The following PNPLA1 variants were observed in gnomAD, a reference collection of about 807,000 sequenced individuals.
PNPLA1 encodes the protein patatin like domain 1, omega-hydroxyceramide transacylase.
PNPLA1 carries 36 observed loss-of-function variants against 51.7 expected under a neutral mutation model. That is an observed-to-expected ratio of 0.70 (90% CI 0.53 to 0.92). The LOEUF (loss-of-function observed/expected upper bound fraction) is 0.92, where lower values mean the gene tolerates loss of function less well. Ranked by LOEUF, PNPLA1 falls within the 40% of genes least tolerant of loss-of-function variation. The pLI is 0.00. For missense variants in PNPLA1, 658 were observed against 682.5 expected, an observed-to-expected ratio of 0.96 and a Z score of 0.40; for synonymous variants, 293 against 280.1, an observed-to-expected ratio of 1.05 and a Z score of -0.46.
At position 36,283,009 on chromosome 6, in the gene PNPLA1, T is replaced by C. The variant is rs192634061; in HGVS notation, c.206-8311T>C. The stretch of plus-strand genomic sequence containing the variant: ...GATCTGTGTTTTTTTAAAAATTTAA[T>C]AATAAACTTTTTATTTTGGAATAAT... On this transcript the variant is annotated intron_variant, in intron 1 of 8. Transcript: ENST00000636260. 8.5e-5 allele frequency among the ~76,000 whole-genome samples: 13 copies of C among 152,314 alleles called. No individual in the cohort carries two copies. In the East Asian group the frequency reaches 1.9e-3, roughly 23 times the overall value.
chr6:36,267,134 A>G (rs910871483), upstream of PNPLA1, among the ~76,000 whole-genome samples: 1 of 152,220 alleles, frequency 6.6e-6, no homozygotes, highest in African/African-American at 2.4e-5. Context: ...AGCAGTGTTA[A>G]CTTAGTTAAA....
At chr6:36,297,562 C>T (rs1770895667) in intron 5 of PNPLA1, among the ~76,000 whole-genome samples, 1 of 152,192 alleles carries the variant, frequency 6.6e-6, no homozygotes, top group African/African-American at 2.4e-5. Context: ...CCTCTTTCTC[C>T]TCCCTCCCAA....
chr6:36,251,717 T>C (rs1347943462), intron 1 of PNPLA1, among the ~76,000 whole-genome samples: 1 of 152,114 alleles, frequency 6.6e-6, no homozygotes, highest in Non-Finnish European at 1.5e-5. Context: ...GTGGGAGGAC[T>C]GCTTGAGGCC....
intron 3 of PNPLA1, among the ~76,000 whole-genome samples, 184 bp downstream of exon 3, chr6:36,293,310 C>G (rs1008944004): frequency 6.6e-6 from 1 of 152,128 alleles, no homozygotes; most frequent in Non-Finnish European, 1.5e-5. Flanking sequence ...TTAAGATGAA[C>G]TTCTCCAGCT....
chr6:36,275,188 C>G (rs1489721660), intron 1 of PNPLA1, among the ~76,000 whole-genome samples: 1 of 152,142 alleles, frequency 6.6e-6, no homozygotes, highest in Non-Finnish European at 1.5e-5. Context: ...AAGTGATCCT[C>G]CTGCATCAGC....
At chr6:36,273,288 G>A (rs1183715872) in intron 1 of PNPLA1, among the ~76,000 whole-genome samples, 1 of 120,090 alleles carries the variant, frequency 8.3e-6, no homozygotes, top group Non-Finnish European at 1.8e-5. Flanking sequence ...TAAATAAAGA[G>A]TAGAAAGAAA....
intron 1 of PNPLA1, among the ~76,000 whole-genome samples, chr6:36,277,321 G>A (rs537787612): frequency 1.1e-3 from 167 of 152,322 alleles, no homozygotes; most frequent in African/African-American, 3.8e-3. Flanking sequence ...CACATGTCCT[G>A]TCAGCTACAT....
At chr6:36,281,160 C>T (rs1770269255) in intron 1 of PNPLA1, among the ~76,000 whole-genome samples, 1 of 152,202 alleles carries the variant, frequency 6.6e-6, no homozygotes, top group Non-Finnish European at 1.5e-5. Context: ...CTGGAAGTCT[C>T]TCCAGTGTTC....
chr6:36,268,161 G>T (rs892728273), upstream of PNPLA1, among the ~76,000 whole-genome samples: 1 of 151,924 alleles, frequency 6.6e-6, no homozygotes, highest in African/African-American at 2.4e-5. Flanking sequence ...TCCTCATGTC[G>T]CATGTGGATC....
At chr6:36,250,694 T>C (rs1769401650) in intron 1 of PNPLA1, among the ~76,000 whole-genome samples, 2 of 152,178 alleles carry the variant, frequency 1.3e-5, no homozygotes, top group African/African-American at 2.4e-5. Flanking sequence ...GGTGTTTTAA[T>C]GCAATAGAAA....
intron 8 of PNPLA1, among the ~76,000 whole-genome samples, chr6:36,311,460 C>T (rs1771407510): frequency 2.0e-5 from 3 of 152,176 alleles, no homozygotes. Context: ...GTCAGGCTGC[C>T]TTGGATGACC....
chr6:36,274,180 T>G (rs1339583196), intron 1 of PNPLA1, among the ~76,000 whole-genome samples: 1 of 152,228 alleles, frequency 6.6e-6, no homozygotes, highest in East Asian at 1.9e-4. Context: ...TATCCCCATT[T>G]TACAGAGGAG....
rs374739273 is a variant in PNPLA1, at chr6:36,276,263, T to C, written c.205+5599T>C. Among the ~76,000 whole-genome samples, 83 of 152,246 alleles carry C rather than the reference T, an allele frequency of 5.5e-4. 2 individuals are homozygous for C. Among genetic ancestry groups the C allele is most frequent in the Middle Eastern group, 6.8e-3 (2 of 294 alleles). On this transcript the variant is annotated intron_variant, in intron 1 of 8. Coordinates refer to ENST00000636260, the MANE Select transcript of PNPLA1 (RefSeq NM_001374623.1). ...CGTGAGCCACCGCACCCAGCTAGCA[T>C]TTTCTGAGGCTCTTCTCAAGGCCAC...
At chr6:36,299,113 C>A (rs186015895) in intron 5 of PNPLA1, among the ~76,000 whole-genome samples, 35 of 152,300 alleles carry the variant, frequency 2.3e-4, no homozygotes, top group Admixed American at 2.3e-3. Flanking sequence ...ACTGGAGTTG[C>A]TTCCATCTTT....
chr6:36,309,796 G>T lies in PNPLA1; in HGVS notation c.1596-1967G>T, dbSNP rs528962221. On this transcript the variant is annotated intron_variant, in intron 8 of 8. Transcript: ENST00000636260. ...ATCGATGGTCTTAAGCAATTCCAAA[G>T]GCTGGGGTAAGGGGTAGAAAAGAGA... 2.0e-5 allele frequency among the ~76,000 whole-genome samples: 3 copies of T among 152,306 alleles called. No homozygotes were observed. The South Asian group carries it at 6.2e-4, about 32-fold the overall frequency.
At chr6:36,293,030 C>T in intron 2 of PNPLA1, 31 bp from the exon 3 acceptor site, 2 of 1,587,834 alleles carry the variant, frequency 1.3e-6, no homozygotes, top group Non-Finnish European at 1.7e-6. Context: ...CCCCGGGCCT[C>T]CAGCATCTCA....
intron 8 of PNPLA1, among the ~76,000 whole-genome samples, chr6:36,311,211 A>T (rs1182906917): frequency 2.0e-5 from 3 of 152,230 alleles, no homozygotes; most frequent in Non-Finnish European, 4.4e-5. Flanking sequence ...TATGGAATAG[A>T]AGCACAGAGG....
rs1160185488 is a variant in PNPLA1 at position 36,312,399 on chromosome 6, C to G, written c.*513C>G. Among the ~76,000 whole-genome samples, 1 of 152,190 alleles carries G rather than the reference C, an allele frequency of 6.6e-6. No homozygotes were observed. ...GACCCCTGTGTAATGAAATGAACCC[C>G]CTAACTGGCTTTTGGTGTAGCTTGA... On this transcript the variant is annotated 3_prime_UTR_variant, in exon 9 of 9. Transcript: ENST00000636260.
chr6:36,303,550 G>T (rs1771140643), intron 6 of PNPLA1, among the ~76,000 whole-genome samples: 1 of 152,194 alleles, frequency 6.6e-6, no homozygotes, highest in African/African-American at 2.4e-5. Flanking sequence ...TACAATCAGG[G>T]ACTGGGTGTG....
Sources: gnomAD v4.1 joint callset for allele counts (sites outside exome capture counted in the v4.1 genomes callset) on GRCh38, gnomAD v4.1.1 for gene constraint, MANE v1.5 for transcripts, NCBI Gene and HGNC (gene_info 2026-07-23, HGNC 2026-07-21) for gene names.